The following PCDH15 variants were observed in gnomAD, a reference collection of about 807,000 sequenced individuals.
PCDH15 encodes protocadherin related 15.
In PCDH15, 129 loss-of-function variants were observed where a neutral mutation model predicts 178.5. The observed-to-expected ratio is 0.72, with a 90% confidence interval of 0.63 to 0.84. The LOEUF is 0.84. PCDH15 is among the 40% of genes least tolerant of loss of function. The probability of loss-of-function intolerance (pLI) is 0.00; values close to 1 mark genes in which losing one functional copy is unlikely to be tolerated. For missense variants in PCDH15, 2,230 were observed against 2,099.9 expected, an observed-to-expected ratio of 1.06 and a Z score of -1.21; for synonymous variants, 800 against 732.0, an observed-to-expected ratio of 1.09 and a Z score of -1.50.
At chr10:55,202,452 T>A (rs1054159160) in intron 1 of PCDH15, among the ~76,000 whole-genome samples, 1 of 152,136 alleles carries the variant, frequency 6.6e-6, no homozygotes, top group Admixed American at 6.5e-5. Flanking sequence ...TTACAAGGTA[T>A]GTGCCTTTCT....
At chr10:54,650,278 C>G (rs2094227706) in intron 2 of PCDH15, among the ~76,000 whole-genome samples, 3 of 152,110 alleles carry the variant, frequency 2.0e-5, no homozygotes, top group African/African-American at 7.2e-5. Flanking sequence ...AACAGATTTG[C>G]TCTCAGATTT....
chr10:54,910,861 G>A (rs1483453735), intron 2 of PCDH15, among the ~76,000 whole-genome samples: 1 of 152,160 alleles, frequency 6.6e-6, no homozygotes, highest in Admixed American at 6.6e-5. Flanking sequence ...TCAATAAAAT[G>A]GGACTGCATC....
intron 2 of PCDH15, among the ~76,000 whole-genome samples, chr10:55,584,244 C>A (rs1476626457): frequency 6.6e-6 from 1 of 151,798 alleles, no homozygotes; most frequent in Non-Finnish European, 1.5e-5. Context: ...CTTACATCTG[C>A]TAGATGTCTT....
chr10:54,681,689 T>G (rs2094902108), intron 1 of PCDH15, among the ~76,000 whole-genome samples: 1 of 151,974 alleles, frequency 6.6e-6, no homozygotes. Flanking sequence ...ATATAATTTG[T>G]TAGTGTTTTT....
At chr10:54,563,444 T>C (rs763949198) in intron 2 of PCDH15, among the ~76,000 whole-genome samples, 53 of 152,124 alleles carry the variant, frequency 3.5e-4, no homozygotes, top group Non-Finnish European at 7.1e-4. Flanking sequence ...GCCCAAATTA[T>C]AATTAACTCA....
At chr10:55,059,988 A>T (rs117560947) in intron 2 of PCDH15, among the ~76,000 whole-genome samples, 14 of 18,096 alleles carry the variant, frequency 7.7e-4, no homozygotes, top group Non-Finnish European at 1.3e-3. Context: ...ACAAAAAATT[A>T]AAAAAAAAAA....
chr10:55,150,077 AG>A (rs1838660036), intron 2 of PCDH15, among the ~76,000 whole-genome samples: 9 of 32,162 alleles, frequency 2.8e-4, no homozygotes, highest in Non-Finnish European at 8.0e-5. Context: ...GAGGAGGGGG[AG>A]GGGAGGGGAG....
chr10:54,589,956 AT>A (rs1179109191), intron 2 of PCDH15, among the ~76,000 whole-genome samples: 20 of 152,230 alleles, frequency 1.3e-4, no homozygotes, highest in African/African-American at 4.6e-4. Context: ...TATTGGAATA[AT>A]ATATATACCA....
intron 2 of PCDH15, among the ~76,000 whole-genome samples, chr10:55,362,515 T>A (rs548560170): frequency 6.6e-6 from 1 of 152,124 alleles, no homozygotes; most frequent in African/African-American, 2.4e-5. Flanking sequence ...TGTAGTTGAT[T>A]TGAATGTGTT....
intron 30 of PCDH15, among the ~76,000 whole-genome samples, chr10:53,830,594 A>G (rs2076959518): frequency 6.6e-6 from 1 of 152,182 alleles, no homozygotes; most frequent in Admixed American, 6.5e-5. Context: ...GTCAAAGAAT[A>G]TATTACTAAC....
chr10:55,144,557 T>C (rs1838448964), intron 2 of PCDH15, among the ~76,000 whole-genome samples: 1 of 152,090 alleles, frequency 6.6e-6, no homozygotes, highest in Non-Finnish European at 1.5e-5. Flanking sequence ...ATGGCTCTTC[T>C]CCTTGAATCA....
At chr10:54,811,251 TA>T (rs1952857891) in intron 3 of PCDH15, among the ~76,000 whole-genome samples, 1 of 151,998 alleles carries the variant, frequency 6.6e-6, no homozygotes, top group South Asian at 2.1e-4. Flanking sequence ...CATAAGCAAA[TA>T]AAATATTTTT....
In PCDH15 at chr10:53,806,451, A is replaced by G. The variant is rs1467490513; in HGVS notation, c.*128T>C. 1.3e-5 allele frequency: 10 copies of G among 793,352 alleles called. No individual in the cohort carries two copies. The highest frequency in any genetic ancestry group is 1.9e-5 in the Non-Finnish European group (10 of 515,970). The allele number at this position is 793,352 out of a possible 1,614,324, so 49.1% of individuals were successfully genotyped here. A position where few individuals can be genotyped will look rare whatever the true frequency, so the allele number is the denominator to read the frequency against. On this transcript the variant is annotated 3_prime_UTR_variant, in exon 38 of 38. Coordinates refer to ENST00000644397, the MANE Select transcript of PCDH15 (RefSeq NM_001384140.1). ...AATCTGTCTCTTAAAATTTTAAAGC[A>G]TATTGTTCAAAGTTTTAGCTTGTGT...
intron 1 of PCDH15, among the ~76,000 whole-genome samples, chr10:54,711,698 A>T (rs2095429512): frequency 6.6e-6 from 1 of 151,956 alleles, no homozygotes; most frequent in South Asian, 2.1e-4. Context: ...CTCAAAAGAA[A>T]GCCCAGTTGA....
At chr10:54,226,121 C>T (rs903718848) in intron 9 of PCDH15, among the ~76,000 whole-genome samples, 3 of 152,178 alleles carry the variant, frequency 2.0e-5, no homozygotes, top group African/African-American at 7.2e-5. Context: ...GGTGAAAAGA[C>T]ATACCCAAGA....
chr10:54,227,365 CT>C (rs927473842), intron 9 of PCDH15, among the ~76,000 whole-genome samples: 1 of 152,242 alleles, frequency 6.6e-6, no homozygotes, highest in African/African-American at 2.4e-5. Flanking sequence ...GGCTTACACC[CT>C]CTGAAGCAGG....
At chr10:55,130,589 T>G (rs1381665670) in intron 2 of PCDH15, among the ~76,000 whole-genome samples, 1 of 152,030 alleles carries the variant, frequency 6.6e-6, no homozygotes, top group African/African-American at 2.4e-5. Flanking sequence ...CAATGTCTAC[T>G]CATAGGTAAG....
chr10:55,075,573 C>G (rs1841868106), intron 2 of PCDH15, among the ~76,000 whole-genome samples: 1 of 151,938 alleles, frequency 6.6e-6, no homozygotes, highest in South Asian at 2.1e-4. Flanking sequence ...CCATGCTGGC[C>G]AAGATGGTCT....
chr10:54,786,642 T>G (rs563863448), intron 1 of PCDH15, among the ~76,000 whole-genome samples: 1 of 152,070 alleles, frequency 6.6e-6, no homozygotes, highest in South Asian at 2.1e-4. Context: ...ACGTTTTTAT[T>G]AAAGCAGAAT....
Sources: allele counts gnomAD v4.1 joint callset (sites outside exome capture counted in the v4.1 genomes callset), GRCh38; gene constraint gnomAD v4.1.1; transcripts MANE v1.5; gene names NCBI Gene and HGNC (gene_info 2026-07-23, HGNC 2026-07-21).